Variants in GRXCR2 observed in about 807,000 individuals in gnomAD.
GRXCR2 encodes the protein glutaredoxin domain-containing cysteine-rich protein 2.
GRXCR2 carries 23 observed loss-of-function variants against 24.8 expected under a neutral mutation model. The ratio of observed to expected loss-of-function variants is 0.93; its 90% confidence interval spans 0.67 to 1.32. The LOEUF is 1.32. Ranked by LOEUF, GRXCR2 falls within the 40% of genes most tolerant of loss-of-function variation. The pLI, the probability that GRXCR2 is intolerant of heterozygous loss-of-function variation, is 0.00. For synonymous variants in GRXCR2, 130 were observed against 116.1 expected (o/e 1.12, Z -0.77); for missense variants, 315 against 303.4 (o/e 1.04, Z -0.28).
intron 2 of GRXCR2, among the ~76,000 whole-genome samples, chr5:145,927,167 T>TCA: frequency 6.6e-6 from 1 of 152,318 alleles, no homozygotes; most frequent in South Asian, 2.1e-4. Flanking sequence ...AATCATGTCA[T>TCA]CTGCAAACAG....
intron 2 of GRXCR2, among the ~76,000 whole-genome samples, chr5:145,895,500 G>C (rs1413918864): frequency 2.6e-5 from 4 of 151,620 alleles, no homozygotes; most frequent in Non-Finnish European, 5.9e-5. Flanking sequence ...AACAGACAGA[G>C]AGCCAAATCA....
intron 1 of GRXCR2, among the ~76,000 whole-genome samples, chr5:145,869,106 T>A (rs1218569431): frequency 4.6e-5 from 7 of 152,340 alleles, no homozygotes; most frequent in African/African-American, 1.7e-4. Flanking sequence ...CACTGCTCTG[T>A]TTTTAAATGC....
At chr5:145,867,312 G>T (rs892236885) in intron 1 of GRXCR2, among the ~76,000 whole-genome samples, 26 of 152,132 alleles carry the variant, frequency 1.7e-4, no homozygotes, top group East Asian at 1.2e-3. Context: ...AGAGTTACTC[G>T]GGCACTGTAA....
rs140816500 is a variant in GRXCR2, at chr5:145,872,815, T to C, written c.154A>G (p.Ser52Gly). The C allele has an allele frequency of 3.1e-4, 493 of 1,614,172 alleles. No individual in the cohort carries two copies. Among genetic ancestry groups the C allele is most frequent in the Non-Finnish European group, 4.0e-4 (474 of 1,180,006 alleles). The change falls in exon 1 of 3, where the codon AGT becomes GGT. Residue 52 changes from serine to glycine, a missense_variant. Coordinates refer to ENST00000377976, the MANE Select transcript of GRXCR2 (RefSeq NM_001080516.2). ...LESPKEEYPH[S>G]FLQESLETMD... ...GTTTCAAGAGACTCTTGCAGAAAAC[T>C]GTGAGGGTATTCCTCCTTTGGTGAC...
At chr5:145,918,723 C>T (rs193177259) in intron 2 of GRXCR2, among the ~76,000 whole-genome samples, 31 of 151,690 alleles carry the variant, frequency 2.0e-4, no homozygotes, top group Non-Finnish European at 1.6e-4. Context: ...TTAGGGATTT[C>T]CCCCCATCTA....
At chr5:145,919,036 C>T (rs575953608) in intron 2 of GRXCR2, among the ~76,000 whole-genome samples, 32 of 152,282 alleles carry the variant, frequency 2.1e-4, no homozygotes, top group African/African-American at 7.7e-4. Flanking sequence ...CTCCAGTTTA[C>T]GGCTTCTGCT....
At chr5:145,916,304 A>G (rs553333290) in intron 2 of GRXCR2, among the ~76,000 whole-genome samples, 2 of 152,366 alleles carry the variant, frequency 1.3e-5, no homozygotes, top group African/African-American at 4.8e-5. Flanking sequence ...AAAGCTTATT[A>G]TTAGGGGAAA....
intron 2 of GRXCR2, among the ~76,000 whole-genome samples, chr5:145,878,968 A>G (rs970802757): frequency 6.6e-6 from 1 of 152,210 alleles, no homozygotes; most frequent in Non-Finnish European, 1.5e-5. Context: ...AAGGAGAAAT[A>G]AAATCTTTAC....
chr5:145,867,093 T>C (rs1756451042), intron 1 of GRXCR2, among the ~76,000 whole-genome samples: 1 of 152,166 alleles, frequency 6.6e-6, no homozygotes, highest in Admixed American at 6.6e-5. Flanking sequence ...TTTATATAAA[T>C]ATCTCTCCAA....
In GRXCR2 at chr5:145,929,901, C is replaced by A. The variant is rs138928194; in HGVS notation, c.-70+5800G>T. Among the ~76,000 whole-genome samples the A allele has an allele frequency of 9.9e-5, 15 of 152,078 alleles. No homozygotes were observed. The East Asian group carries it at 1.7e-3, about 18-fold the overall frequency. ...TCTTTTGGTTCTTCACAATCACTTC[C>A]GTTTCTTTATGATACACTAGATCAG... On this transcript the variant is annotated intron_variant, in intron 2 of 3. Transcript: ENST00000639411.
At chr5:145,916,777 T>C (rs1403283138) in intron 2 of GRXCR2, among the ~76,000 whole-genome samples, 1 of 152,158 alleles carries the variant, frequency 6.6e-6, no homozygotes, top group Admixed American at 6.5e-5. Context: ...AGTCTCTCAA[T>C]CTGTAAAGTA....
rs543087869 is a variant in GRXCR2, at chr5:145,899,667, CT to C, written c.-69-32940del. ...ACAAAAATAAGCAACATGAAAAAGACTCCCTATTCAATAAATAGTGCTGGGA... is the reference window on the plus strand; with the variant it reads ...ACAAAAATAAGCAACATGAAAAAGACCCCTATTCAATAAATAGTGCTGGGA... On this transcript the variant is annotated intron_variant, in intron 2 of 3. Transcript: ENST00000639411. Among the ~76,000 whole-genome samples the C allele has an allele frequency of 9.2e-5, 14 of 152,220 alleles. No individual in the cohort carries two copies. In the South Asian group the frequency reaches 2.9e-3, roughly 32 times the overall value.
At chr5:145,889,184 GA>G (rs879260722) in intron 2 of GRXCR2, among the ~76,000 whole-genome samples, 188 of 112,906 alleles carry the variant, frequency 1.7e-3, no homozygotes, top group Middle Eastern at 4.1e-3. Flanking sequence ...AAGAAAGAAA[GA>G]AAGAAAGAAA....
In GRXCR2 at chr5:145,896,847, C is replaced by T. The variant is rs185471802; in HGVS notation, c.-69-30119G>A. Among the ~76,000 whole-genome samples the T allele has an allele frequency of 2.7e-3, 405 of 151,998 alleles. 1 individual carries two copies. Among genetic ancestry groups the T allele is most frequent in the East Asian group, 5.8e-3 (30 of 5,172 alleles). On this transcript the variant is annotated intron_variant, in intron 2 of 3. Coordinates refer to the GRXCR2 transcript ENST00000639411. ...GACACATGCACACGTATGTTTATTG[C>T]GGCACTATTCACAATAGCAAAGACT...
At chr5:145,879,616 C>A (rs938789458) in intron 2 of GRXCR2, among the ~76,000 whole-genome samples, 3 of 152,114 alleles carry the variant, frequency 2.0e-5, no homozygotes, top group South Asian at 2.1e-4. Flanking sequence ...GATTTTAACA[C>A]CCCACTGTCA....
At chr5:145,874,474 C>T (rs915451517), upstream of GRXCR2, among the ~76,000 whole-genome samples, 6 of 152,170 alleles carry the variant, frequency 3.9e-5, no homozygotes, top group South Asian at 6.2e-4. Flanking sequence ...AGTGCTGGGA[C>T]TACAGGCATG....
chr5:145,881,062 C>T (rs1349299060), intron 2 of GRXCR2, among the ~76,000 whole-genome samples: 1 of 152,218 alleles, frequency 6.6e-6, no homozygotes, highest in African/African-American at 2.4e-5. Flanking sequence ...GACAAACCCA[C>T]AGCCAATATC....
intron 2 of GRXCR2, among the ~76,000 whole-genome samples, chr5:145,888,450 A>C (rs952976360): frequency 6.6e-6 from 1 of 151,842 alleles, no homozygotes; most frequent in Non-Finnish European, 1.5e-5. Context: ...CTGGTCAGAG[A>C]CCCCCGATCC....
At chr5:145,867,074 C>G (rs1015376788) in intron 1 of GRXCR2, among the ~76,000 whole-genome samples, 1 of 152,172 alleles carries the variant, frequency 6.6e-6, no homozygotes, top group Non-Finnish European at 1.5e-5. Flanking sequence ...CAGAGGGACA[C>G]TTTTTCATTT....
Sources: allele counts gnomAD v4.1 joint callset (sites outside exome capture counted in the v4.1 genomes callset), GRCh38; gene constraint gnomAD v4.1.1; transcripts MANE v1.5; gene names NCBI Gene and HGNC (gene_info 2026-07-23, HGNC 2026-07-21).